The following TPRG1L variants were observed in gnomAD, a reference collection of about 807,000 sequenced individuals.
The protein encoded by TPRG1L is tumor protein p63-regulated gene 1-like protein.
TPRG1L carries 25 observed loss-of-function variants against 29.4 expected under a neutral mutation model. The ratio of observed to expected loss-of-function variants is 0.85; its 90% CI spans 0.62 to 1.19. The LOEUF (loss-of-function observed/expected upper bound fraction) is 1.19, where lower values mean the gene tolerates loss of function less well. TPRG1L is among the 50% of genes most tolerant of loss of function. The pLI is 0.00. For synonymous variants in TPRG1L, 182 were observed against 151.1 expected (o/e 1.20, Z -1.50); for missense variants, 354 against 364.4 (o/e 0.97, Z 0.23).
At position 3,628,469 on chromosome 1, in the gene TPRG1L, T is replaced by C. The variant is rs1196613290; in HGVS notation, c.685T>C (p.Leu229=). The C allele has an allele frequency of 6.2e-7, 1 of 1,613,842 alleles. No homozygotes were observed. The highest frequency in any genetic ancestry group is 1.1e-5 in the South Asian group (1 of 91,070). ...CAAAAAAGCCCAAAAAGAAAGCCCT[T>C]TGCCAGGACAGGCGAATGGCGTGCT... ...AVKKAQKESP[L]PGQANGVLIL... The change falls in exon 5 of 5, where the codon TTG becomes CTG. Residue 229 remains leucine, a synonymous_variant. Transcript: ENST00000378344.
Position 3,628,926 on chromosome 1 carries a change from C to G in TPRG1L, c.*323C>G, listed in dbSNP as rs1644507116. 1 of 225,816 alleles carries G rather than the reference C, an allele frequency of 4.4e-6. No individual in the cohort carries two copies. Among genetic ancestry groups the G allele is most frequent in the Non-Finnish European group, 8.7e-6 (1 of 114,492 alleles). The allele number at this position is 225,816 out of a possible 1,614,324, so 14.0% of individuals were successfully genotyped here. A position where few individuals can be genotyped will look rare whatever the true frequency, so the allele number is the denominator to read the frequency against. On this transcript the variant is annotated 3_prime_UTR_variant, in exon 5 of 5. Coordinates refer to ENST00000378344, the MANE Select transcript of TPRG1L (RefSeq NM_182752.4). ...TTTTCCTTGAGTATCTACTTGGCTT[C>G]TCGTGGTTTTTCCCACCCCAGCTGC...
rs1362614087 is a variant in TPRG1L, at chr1:3,627,398, C to T, written c.471-102C>T. ...CATAGGTCTTTTCTGTAAACGTGTG[C>T]TTTTTGCTGTCATATTCTCCTAACT... On this transcript the variant is annotated intron_variant, in intron 3 of 4. Coordinates refer to ENST00000378344, the MANE Select transcript of TPRG1L (RefSeq NM_182752.4). The T allele has an allele frequency of 2.2e-6, 3 of 1,357,596 alleles. No individual in the cohort carries two copies. In the East Asian group the frequency reaches 6.9e-5, roughly 31 times the overall value. The allele number at this position is 1,357,596 out of a possible 1,614,324, so 84.1% of individuals were successfully genotyped here.
At chr1:3,625,670 C>T (rs1472974441) in intron 2 of TPRG1L, 43 bp from the exon 3 acceptor site, 3 of 1,586,042 alleles carry the variant, frequency 1.9e-6, no homozygotes, top group South Asian at 1.2e-5. Flanking sequence ...TAAGTCGAGA[C>T]AGCCGCGTCC....
At chr1:3,628,250 AC>A (rs914158820) in intron 4 of TPRG1L, among the ~76,000 whole-genome samples, 158 bp from the exon 5 acceptor site, 1 of 152,016 alleles carries the variant, frequency 6.6e-6, no homozygotes, top group Non-Finnish European at 1.5e-5. Flanking sequence ...GAGTTGAGAG[AC>A]CCCCAGGATG....
chr1:3,625,590 C>T (rs971674914), intron 2 of TPRG1L, 75 bp downstream of exon 2: 18 of 1,562,588 alleles, frequency 1.2e-5, no homozygotes, highest in Non-Finnish European at 1.6e-5. Context: ...GAGGACTTCC[C>T]GGGGTGCTCG....
At chr1:3,625,563 G>A in intron 2 of TPRG1L, 48 bp downstream of exon 2, 1 of 1,576,102 alleles carries the variant, frequency 6.3e-7, no homozygotes, top group South Asian at 1.1e-5. Flanking sequence ...GCCCCGAGCC[G>A]CCGCGCAGCA....
rs201546977 is a variant in TPRG1L at position 3,625,427 on chromosome 1, G to A, written c.205G>A (p.Gly69Ser). ...RVKEYFVFRP[G>S]SIEQAVEEIR... is the part of the protein sequence containing the mutation. ...CCCCACCCCGCAACCCGCCCAGCCCGGCAGCATCGAGCAGGCAGTGGAGGA... is the reference window on the plus strand; with the variant it reads ...CCCCACCCCGCAACCCGCCCAGCCCAGCAGCATCGAGCAGGCAGTGGAGGA... The change falls in exon 2 of 5, where the codon GGC becomes AGC. Residue 69 changes from glycine (G) to serine (S), a missense_variant. Coordinates refer to ENST00000378344, the MANE Select transcript of TPRG1L (RefSeq NM_182752.4). 1.3e-6 allele frequency: 2 copies of A among 1,592,446 alleles called. No homozygotes were observed. Among genetic ancestry groups the A allele is most frequent in the Non-Finnish European group, 1.7e-6 (2 of 1,170,210 alleles).
rs755701155 is a variant in TPRG1L, at chr1:3,625,522, C to A, written c.293+7C>A. On this transcript the variant is annotated splice_region_variant and intron_variant, in intron 2 of 4. Transcript: ENST00000378344. ...GAGTGTGGCTGCTTACCGAGTAAGC[C>A]GGGGCTGCGCTCTCCTTGGTGGGGG... 1 of 1,595,926 alleles carries A rather than the reference C, an allele frequency of 6.3e-7. No individual in the cohort carries two copies. Among genetic ancestry groups the A allele is most frequent in the Non-Finnish European group, 8.5e-7 (1 of 1,173,114 alleles).
rs112882488 is a variant in TPRG1L at position 3,627,040 on chromosome 1, G to A, written c.471-460G>A. Among the ~76,000 whole-genome samples the A allele has an allele frequency of 2.4e-3, 370 of 152,344 alleles. 2 individuals carry two copies. The highest frequency in any genetic ancestry group is 3.0e-3 in the Non-Finnish European group (205 of 68,032). On this transcript the variant is annotated intron_variant, in intron 3 of 4. Transcript: ENST00000378344. ...AAAAACCACAGGCCGGCCAGGCACG[G>A]TGGCTCACGCCTGTAATCCCAGCAC...
At position 3,629,738 on chromosome 1, in the gene TPRG1L, T is replaced by A. The variant is rs1353179247; in HGVS notation, c.*1135T>A. The A allele has an allele frequency of 6.6e-6, 1 of 152,292 alleles. No homozygotes were observed. Among genetic ancestry groups the A allele is most frequent in the Non-Finnish European group, 1.5e-5 (1 of 68,074 alleles). The allele number at this position is 152,292 out of a possible 1,614,324, so 9.4% of individuals were successfully genotyped here. On this transcript the variant is annotated 3_prime_UTR_variant, in exon 5 of 5. Coordinates refer to ENST00000378344, the MANE Select transcript of TPRG1L (RefSeq NM_182752.4). ...CGAGACTCCATCTACCAGATCCTTA[T>A]GACGCAGCTGATGCCTGCCTTGGTT...
rs1398480536 is a variant in TPRG1L, at chr1:3,629,809, T to C, written c.*1206T>C. Reference sequence around the variant, plus strand: ...AGAGGACTTTGTCCAAGTCTCACACTAAACATGCCCGGGCTTCGATGTGCC... The same window carrying C: ...AGAGGACTTTGTCCAAGTCTCACACCAAACATGCCCGGGCTTCGATGTGCC... On this transcript the variant is annotated 3_prime_UTR_variant, in exon 5 of 5. Transcript: ENST00000378344. 6.6e-6 allele frequency: 1 copy of C among 152,292 alleles called. No homozygotes were observed. Among genetic ancestry groups the C allele is most frequent in the Non-Finnish European group, 1.5e-5 (1 of 68,088 alleles). 9.4% of individuals were successfully genotyped at this position (152,292 alleles called of 1,614,324 possible). A position where few individuals can be genotyped will look rare whatever the true frequency, so the allele number is the denominator to read the frequency against.
intron 1 of TPRG1L, 41 bp downstream of exon 1, chr1:3,625,314 G>A (rs1039585306): frequency 1.5e-4 from 217 of 1,455,188 alleles, no homozygotes; most frequent in Non-Finnish European, 1.8e-4. Flanking sequence ...CCGAGGGCGC[G>A]GGGCGGGATG....
chr1:3,625,156 C>CGGCGGCCCGGGCGGGG lies in TPRG1L; in HGVS notation c.92_107dup (p.Ala38ArgfsTer73). 8.1e-7 allele frequency: 1 copy of CGGCGGCCCGGGCGGGG among 1,234,754 alleles called. No individual in the cohort carries two copies. The highest frequency in any genetic ancestry group is 3.7e-5 in the South Asian group (1 of 27,386). The allele number at this position is 1,234,754 out of a possible 1,614,324, so 76.5% of individuals were successfully genotyped here. ...CGGCCGGCGAGGAGGTGGGGGCAGG[C>CGGCGGCCCGGGCGGGG]GGCGGCCCGGGCGGGGGGCGGCCGG... On this transcript the variant is annotated frameshift_variant, in exon 1 of 5. Coordinates refer to ENST00000378344, the MANE Select transcript of TPRG1L (RefSeq NM_182752.4). LOFTEE classifies it high-confidence loss of function.
chr1:3,628,845 A>G lies in TPRG1L; in HGVS notation c.*242A>G. On this transcript the variant is annotated 3_prime_UTR_variant, in exon 5 of 5. Coordinates refer to ENST00000378344, the MANE Select transcript of TPRG1L (RefSeq NM_182752.4). The stretch of plus-strand genomic sequence containing the variant: ...ATAAGCTACAGACAAAAGCCAAAAG[A>G]CTCTCGCTGTCCCTGTGCTGCTGGT... The G allele has an allele frequency of 7.5e-6, 3 of 400,374 alleles. No homozygotes were observed. The highest frequency in any genetic ancestry group is 1.3e-5 in the Non-Finnish European group (3 of 222,882). The allele number at this position is 400,374 out of a possible 1,614,324, so 24.8% of individuals were successfully genotyped here. A position where few individuals can be genotyped will look rare whatever the true frequency, so the allele number is the denominator to read the frequency against.
rs774228859 is a variant in TPRG1L, at chr1:3,628,537, C to T, written c.753C>T (p.Leu251=). The change falls in exon 5 of 5, where the codon CTC becomes CTT. Residue 251 remains leucine (L), a synonymous_variant. Coordinates refer to ENST00000378344, the MANE Select transcript of TPRG1L (RefSeq NM_182752.4). ...RPLLIETYVG[L]MSFINNEAKL... ...TGCTCATCGAGACCTACGTGGGACT[C>T]ATGTCCTTCATTAACAACGAGGCGA... 2 of 1,613,470 alleles carry T rather than the reference C, an allele frequency of 1.2e-6. No homozygotes were observed. The highest frequency in any genetic ancestry group is 1.7e-6 in the Non-Finnish European group (2 of 1,179,670).
intron 3 of TPRG1L, among the ~76,000 whole-genome samples, chr1:3,626,276 T>TTAAA (rs1557448451): frequency 6.6e-6 from 1 of 152,262 alleles, no homozygotes; most frequent in Non-Finnish European, 1.5e-5. Context: ...GCTAATTTTT[T>TTAAA]AAAGAGAAAT....
chr1:3,625,785 C>A lies in TPRG1L; in HGVS notation c.366C>A (p.Tyr122Ter). Residue 122 changes from tyrosine (Y) to a stop codon, truncating the protein, a stop_gained, in exon 3 of 5, where the codon TAC becomes TAA. Transcript: ENST00000378344. LOFTEE classifies it high-confidence loss of function. ...VTEQSLLICKYDFISLQCQQV... is the reference protein window; with the variant it reads ...VTEQSLLICK The stretch of plus-strand genomic sequence containing the variant: ...AGCAGTCCCTGCTTATCTGTAAATA[C>A]GACTTCATCAGTCTCCAGTGCCAGC... 1 of 1,613,756 alleles carries A rather than the reference C, an allele frequency of 6.2e-7. No individual in the cohort carries two copies. Among genetic ancestry groups the A allele is most frequent in the African/African-American group, 1.3e-5 (1 of 75,066 alleles).
chr1:3,625,675 G>C lies in TPRG1L; in HGVS notation c.294-38G>C, dbSNP rs780593149. The stretch of plus-strand genomic sequence containing the variant: ...TGGCCTTGGCTAAGTCGAGACAGCC[G>C]CGTCCAGTGTGGACTGAGGCCCCTC... On this transcript the variant is annotated intron_variant, in intron 2 of 4. Transcript: ENST00000378344. 3.8e-6 allele frequency: 6 copies of C among 1,589,870 alleles called. No individual in the cohort carries two copies. In the South Asian group the frequency reaches 6.9e-5, roughly 18 times the overall value.
intron 4 of TPRG1L, among the ~76,000 whole-genome samples, chr1:3,627,914 G>T (rs1181295334): frequency 2.0e-5 from 3 of 152,266 alleles, no homozygotes; most frequent in Non-Finnish European, 4.4e-5. Context: ...GTGGCCTCCT[G>T]ATGGTGATCT....
Sources: gnomAD v4.1 joint callset for allele counts (sites outside exome capture counted in the v4.1 genomes callset) on GRCh38, gnomAD v4.1.1 for gene constraint, MANE v1.5 for transcripts, NCBI Gene and HGNC (gene_info 2026-07-23, HGNC 2026-07-21) for gene names.